EGLN3: variants seen among roughly 807,000 people sequenced by gnomAD.
The protein encoded by EGLN3 is prolyl hydroxylase EGLN3.
Under a neutral mutation model 26.0 loss-of-function variants are expected in EGLN3, and 15 were observed. That is an observed-to-expected ratio of 0.58 (90% CI 0.39 to 0.89). The LOEUF (loss-of-function observed/expected upper bound fraction) is 0.89, where lower values mean the gene tolerates loss of function less well. Among genes scored for constraint, EGLN3 ranks in the 40% least tolerant of loss-of-function variants. The probability of loss-of-function intolerance (pLI) is 0.00; values close to 1 mark genes in which losing one functional copy is unlikely to be tolerated. For missense variants in EGLN3, 238 were observed against 311.6 expected (o/e 0.76, Z 1.78); for synonymous variants, 147 against 127.2 (o/e 1.16, Z -1.05).
intron 1 of EGLN3, among the ~76,000 whole-genome samples, chr14:33,944,051 T>G (rs2064501053): frequency 6.6e-6 from 1 of 152,184 alleles, no homozygotes. Flanking sequence ...GCCACTGAAT[T>G]AACCTACTGA....
At position 33,950,328 on chromosome 14, in the gene EGLN3, T is replaced by A. The variant is rs771583783; in HGVS notation, c.357+68A>T. 19 of 1,458,496 alleles carry A rather than the reference T, an allele frequency of 1.3e-5. No individual in the cohort carries two copies. In the East Asian group the frequency reaches 4.3e-4, roughly 33 times the overall value. The allele number at this position is 1,458,496 out of a possible 1,614,324, so 90.3% of individuals were successfully genotyped here. A position where few individuals can be genotyped will look rare whatever the true frequency, so the allele number is the denominator to read the frequency against. On this transcript the variant is annotated intron_variant, in intron 1 of 4. Coordinates refer to ENST00000250457, the MANE Select transcript of EGLN3 (RefSeq NM_022073.4). Reference sequence around the variant, plus strand: ...CGCTTACGGCCCTGGGAAGTCGACATACAACGGACTCCGAGTGCCTCCCGT... The same window carrying A: ...CGCTTACGGCCCTGGGAAGTCGACAAACAACGGACTCCGAGTGCCTCCCGT...
chr14:33,950,173 A>G, intron 1 of EGLN3: 1 of 600,536 alleles, frequency 1.7e-6, no homozygotes, highest in Non-Finnish European at 3.0e-6. Flanking sequence ...CAAAGTCAAC[A>G]GAAGGTCATC....
intron 1 of EGLN3, chr14:33,949,823 T>C (rs1180531241): frequency 6.1e-6 from 1 of 164,814 alleles, no homozygotes; most frequent in Non-Finnish European, 1.3e-5. Context: ...AAGAAGATGG[T>C]CTAACAATGT....
rs1310457540 is a variant in EGLN3 at position 33,927,503 on chromosome 14, T to C, written c.615-470A>G. On this transcript the variant is annotated intron_variant, in intron 3 of 4. Transcript: ENST00000250457. ...TTAAAATTAACTTCTCTGGTTTTAA[T>C]TCTATTTCAATGTAATAAAATGCAT... is the stretch of plus-strand genomic sequence containing the variant. Among the ~76,000 whole-genome samples, 5 of 152,308 alleles carry C rather than the reference T, an allele frequency of 3.3e-5. No individual in the cohort carries two copies. The East Asian group carries it at 7.7e-4, about 24-fold the overall frequency.
chr14:33,926,146 T>C (rs2064361016), intron 4 of EGLN3, among the ~76,000 whole-genome samples: 1 of 152,216 alleles, frequency 6.6e-6, no homozygotes, highest in African/African-American at 2.4e-5. Context: ...CATTGGCACC[T>C]CTTGGGCTAA....
rs2064357756 is a variant in EGLN3, at chr14:33,925,762, A to T, written c.*129T>A. Reference sequence around the variant, plus strand: ...ATGAAGTACCACACACAAGACAGGGATGTGAAGGATGCAAGAAGTAGCAGG... The same window carrying T: ...ATGAAGTACCACACACAAGACAGGGTTGTGAAGGATGCAAGAAGTAGCAGG... On this transcript the variant is annotated 3_prime_UTR_variant, in exon 5 of 5. Transcript: ENST00000250457. The T allele has an allele frequency of 4.0e-6, 4 of 1,010,786 alleles. No individual in the cohort carries two copies. In the Admixed American group the frequency reaches 5.7e-5, roughly 14 times the overall value. The allele number at this position is 1,010,786 out of a possible 1,614,324, so 62.6% of individuals were successfully genotyped here. A position where few individuals can be genotyped will look rare whatever the true frequency, so the allele number is the denominator to read the frequency against.
chr14:33,936,229 C>CA (rs1225802704), intron 1 of EGLN3, among the ~76,000 whole-genome samples: 3 of 40,084 alleles, frequency 7.5e-5, no homozygotes, highest in Non-Finnish European at 1.0e-4. Flanking sequence ...GATGCTGTCT[C>CA]AAAAAATATA....
chr14:33,944,758 T>A (rs2138826618), intron 1 of EGLN3, among the ~76,000 whole-genome samples: 1 of 152,302 alleles, frequency 6.6e-6, no homozygotes, highest in African/African-American at 2.4e-5. Context: ...GTTCTTCAGG[T>A]GGTTTTGTAA....
At chr14:33,928,873 A>G (rs912316416) in intron 3 of EGLN3, among the ~76,000 whole-genome samples, 1 of 152,242 alleles carries the variant, frequency 6.6e-6, no homozygotes, top group Admixed American at 6.5e-5. Flanking sequence ...ACTTGTTAAT[A>G]GTACTTTCAA....
At chr14:33,930,006 AC>A (rs2064390513) in intron 2 of EGLN3, among the ~76,000 whole-genome samples, 1 of 152,134 alleles carries the variant, frequency 6.6e-6, no homozygotes, top group Non-Finnish European at 1.5e-5. Flanking sequence ...CCTAATCTGC[AC>A]CTTTTATGAC....
chr14:33,927,064 G>A (rs1417826941), intron 3 of EGLN3, 31 bp from the exon 4 acceptor site: 1 of 1,506,348 alleles, frequency 6.6e-7, no homozygotes, highest in Non-Finnish European at 9.0e-7. Context: ...TAAGGAAAGA[G>A]ATTTAATGGT....
chr14:33,949,705 T>G (rs1430336864), intron 1 of EGLN3: 1 of 152,516 alleles, frequency 6.6e-6, no homozygotes, highest in Non-Finnish European at 1.5e-5. Flanking sequence ...TTGACTACTC[T>G]CTCGTGAGCA....
At chr14:33,939,201 C>T (rs1430220735) in intron 1 of EGLN3, among the ~76,000 whole-genome samples, 1 of 142,572 alleles carries the variant, frequency 7.0e-6, no homozygotes, top group Admixed American at 7.1e-5. Flanking sequence ...TGCCTTGAAA[C>T]AATCATCTTT....
chr14:33,932,456 T>C (rs1403688892), intron 1 of EGLN3, among the ~76,000 whole-genome samples: 1 of 152,134 alleles, frequency 6.6e-6, no homozygotes, highest in Non-Finnish European at 1.5e-5. Flanking sequence ...CCCAAGCTAA[T>C]GGGCTAGTGG....
At position 33,951,009 on chromosome 14, in the gene EGLN3, G is replaced by A. The variant is rs940378738; in HGVS notation, c.-257C>T. The A allele has an allele frequency of 4.0e-6, 2 of 499,608 alleles. No homozygotes were observed. The allele number at this position is 499,608 out of a possible 1,614,324, so 30.9% of individuals were successfully genotyped here. On this transcript the variant is annotated 5_prime_UTR_variant, in exon 1 of 5. Transcript: ENST00000250457. ...TTTCCGGACTGGCCCGGCGAGCAGTGCGGCGCAAGGAGTCGGAGGGCGCCT... is the reference window on the plus strand; with the variant it reads ...TTTCCGGACTGGCCCGGCGAGCAGTACGGCGCAAGGAGTCGGAGGGCGCCT...
At position 33,951,060 on chromosome 14, in the gene EGLN3, C is replaced by A. The variant is rs1351048264; in HGVS notation, c.-308G>T. The A allele has an allele frequency of 3.0e-6, 1 of 334,904 alleles. No individual in the cohort carries two copies. Among genetic ancestry groups the A allele is most frequent in the East Asian group, 5.2e-5 (1 of 19,054 alleles). 20.7% of individuals were successfully genotyped at this position (334,904 alleles called of 1,614,324 possible). ...TTTGGGGATGGGAAGCCACCACTGC[C>A]GCGACTGCGGCCAGACTCCGGGAGA... On this transcript the variant is annotated 5_prime_UTR_variant, in exon 1 of 5. Transcript: ENST00000250457.
chr14:33,936,776 A>C (rs2014778597), intron 1 of EGLN3, among the ~76,000 whole-genome samples: 1 of 152,090 alleles, frequency 6.6e-6, no homozygotes, highest in African/African-American at 2.4e-5. Flanking sequence ...GGAGAAAAAA[A>C]AAAACAAAAC....
intron 1 of EGLN3, among the ~76,000 whole-genome samples, chr14:33,944,768 A>G (rs1438327986): frequency 6.6e-6 from 1 of 152,220 alleles, no homozygotes; most frequent in Non-Finnish European, 1.5e-5. Flanking sequence ...TGGTTTTGTA[A>G]TCACTGGGCA....
At chr14:33,940,599 G>A (rs1356663278) in intron 1 of EGLN3, among the ~76,000 whole-genome samples, 1 of 152,118 alleles carries the variant, frequency 6.6e-6, no homozygotes, top group Non-Finnish European at 1.5e-5. Context: ...GGGAGAAGAT[G>A]AAGAATCTGC....
Sources: gnomAD v4.1 joint callset for allele counts (sites outside exome capture counted in the v4.1 genomes callset) on GRCh38, gnomAD v4.1.1 for gene constraint, MANE v1.5 for transcripts, NCBI Gene and HGNC (gene_info 2026-07-23, HGNC 2026-07-21) for gene names.